PGM1: variants seen among roughly 807,000 people sequenced by gnomAD.
PGM1 encodes the protein phosphoglucomutase 1.
PGM1 carries 52 observed loss-of-function variants against 55.6 expected under a neutral mutation model. The observed-to-expected ratio is 0.94, with a 90% CI of 0.75 to 1.18. The LOEUF is 1.18. PGM1 is among the 50% of genes most tolerant of loss of function. The probability of loss-of-function intolerance (pLI) is 0.00; values close to 1 mark genes in which losing one functional copy is unlikely to be tolerated. For missense variants in PGM1, 724 were observed against 729.3 expected, an observed-to-expected ratio of 0.99 and a Z score of 0.08; for synonymous variants, 287 against 271.7, an observed-to-expected ratio of 1.06 and a Z score of -0.55.
At position 63,633,866 on chromosome 1, in the gene PGM1, CTGTGTGTGTGTGTGTGTGTGTG is replaced by C. The variant is rs58094821; in HGVS notation, c.683-931_683-910del. Reference sequence around the variant, plus strand: ...TGTATGCATGTGTGTGTCTGTGTCTCTGTGTGTGTGTGTGTGTGTGTGTGTGTGTGTGTGTGTGTGTGTGTGT... The same window carrying C: ...TGTATGCATGTGTGTGTCTGTGTCTCTGTGTGTGTGTGTGTGTGTGTGTGT... On this transcript the variant is annotated intron_variant, in intron 4 of 10. Transcript: ENST00000371084. 3.0e-4 allele frequency among the ~76,000 whole-genome samples: 22 copies of C among 73,406 alleles called. 1 individual carries two copies. Among genetic ancestry groups the C allele is most frequent in the East Asian group, 1.4e-3 (3 of 2,078 alleles). 48.2% of individuals were successfully genotyped at this position (73,406 alleles called of 152,430 possible). A position where few individuals can be genotyped will look rare whatever the true frequency, so the allele number is the denominator to read the frequency against.
At chr1:63,636,533 G>A (rs1468017622) in intron 6 of PGM1, 145 bp downstream of exon 6, 4 of 933,798 alleles carry the variant, frequency 4.3e-6, no homozygotes, top group Non-Finnish European at 6.9e-6. Flanking sequence ...TGTGTGAGGG[G>A]ATGGTTGGCT....
Position 63,635,080 on chromosome 1 carries a change from GA to G in PGM1, c.873+67del, listed in dbSNP as rs1445221848. On this transcript the variant is annotated intron_variant, in intron 5 of 10. Coordinates refer to ENST00000371084, the MANE Select transcript of PGM1 (RefSeq NM_002633.3). Reference sequence around the variant, plus strand: ...GGCCAGGCCTGATCCTGCAGATGGGGAAAAAAGTGGGCTGCTTCTGCCAGAC... The same window carrying G: ...GGCCAGGCCTGATCCTGCAGATGGGGAAAAAGTGGGCTGCTTCTGCCAGAC... 75 of 1,433,926 alleles carry G rather than the reference GA, an allele frequency of 5.2e-5. No homozygotes were observed. The South Asian group carries it at 5.6e-4, about 11-fold the overall frequency. The allele number at this position is 1,433,926 out of a possible 1,614,324, so 88.8% of individuals were successfully genotyped here. A position where few individuals can be genotyped will look rare whatever the true frequency, so the allele number is the denominator to read the frequency against.
intron 1 of PGM1, among the ~76,000 whole-genome samples, chr1:63,610,439 T>C (rs955337720): frequency 1.3e-5 from 2 of 152,244 alleles, no homozygotes; most frequent in African/African-American, 2.4e-5. Flanking sequence ...AAATTACATC[T>C]TTTATGTTAA....
chr1:63,604,231 G>T (rs1431296086), intron 1 of PGM1, among the ~76,000 whole-genome samples: 1 of 152,194 alleles, frequency 6.6e-6, no homozygotes, highest in Non-Finnish European at 1.5e-5. Context: ...GGTTCAATCA[G>T]CTGTTGTAAC....
intron 1 of PGM1, among the ~76,000 whole-genome samples, chr1:63,594,972 A>AAAAG (rs1212631758): frequency 5.5e-5 from 6 of 109,222 alleles, no homozygotes; most frequent in Non-Finnish European, 1.2e-4. Context: ...AAAAAAAAAA[A>AAAAG]AAAGAAAAAA....
At chr1:63,637,730 G>A (rs1467785297) in intron 6 of PGM1, among the ~76,000 whole-genome samples, 9 of 152,268 alleles carry the variant, frequency 5.9e-5, no homozygotes, top group African/African-American at 2.2e-4. Context: ...TCAGGTCCTG[G>A]AATACCTTCT....
At position 63,638,698 on chromosome 1, in the gene PGM1, A is replaced by G. The variant is rs1649427299; in HGVS notation, c.1042A>G (p.Thr348Ala). The G allele has an allele frequency of 1.2e-6, 2 of 1,613,170 alleles. No individual in the cohort carries two copies. Among genetic ancestry groups the G allele is most frequent in the South Asian group, 1.1e-5 (1 of 91,068 alleles). The change falls in exon 7 of 11, where the codon ACA becomes GCA. Residue 348 changes from threonine to alanine, a missense_variant. Around this residue, in one of 3 missense-constraint regions of PGM1, gnomAD observed 316 missense variants for 313.1 expected, o/e 1.01. Coordinates refer to ENST00000371084, the MANE Select transcript of PGM1 (RefSeq NM_002633.3). ...ATGCCTTTGAAGGGTGGCTAGTGCT[A>G]CAAAGATTGCTTTGTATGAGACCCC... ...SGALDRVASA[T>A]KIALYETPTG...
At position 63,629,535 on chromosome 1, in the gene PGM1, C is replaced by T. The variant is rs576427611; in HGVS notation, c.357C>T (p.Asn119=). ...GGATCATTCTGACAGCCAGTCACAA[C>T]CCAGGGGGCCCCAATGGAGATTTTG... The part of the protein sequence containing the change: ...IGGIILTASH[N]PGGPNGDFGI... Residue 119 remains asparagine (N), a synonymous_variant, in exon 2 of 11, where the codon AAC becomes AAT. Coordinates refer to ENST00000371084, the MANE Select transcript of PGM1 (RefSeq NM_002633.3). 1.2e-6 allele frequency: 2 copies of T among 1,613,794 alleles called. No homozygotes were observed. The highest frequency in any genetic ancestry group is 2.2e-5 in the East Asian group (1 of 44,872).
At chr1:63,623,538 T>C (rs1648940926) in intron 1 of PGM1, 3 of 1,612,704 alleles carry the variant, frequency 1.9e-6, no homozygotes, top group Non-Finnish European at 2.5e-6. Context: ...TGACTTTTGC[T>C]ACAGCTCCCT....
At position 63,648,532 on chromosome 1, in the gene PGM1, G is replaced by T. The variant is rs548040301; in HGVS notation, c.1160G>T (p.Arg387Leu). The change falls in exon 8 of 11, where the codon CGT becomes CTT. Residue 387 changes from arginine (R) to leucine (L), a missense_variant. Transcript: ENST00000371084. The stretch of plus-strand genomic sequence containing the variant: ...CCCCCTCCAGGTTCTGACCACATCC[G>T]TGAGAAAGATGGACTGTGGGCTGTC... Reference protein sequence around the residue: ...ESFGTGSDHIREKDGLWAVLA... With the variant: ...ESFGTGSDHILEKDGLWAVLA... The T allele has an allele frequency of 6.2e-7, 1 of 1,613,956 alleles. No homozygotes were observed. The highest frequency in any genetic ancestry group is 8.5e-7 in the Non-Finnish European group (1 of 1,179,984).
intron 1 of PGM1, among the ~76,000 whole-genome samples, chr1:63,615,536 C>T (rs1468033275): frequency 1.4e-5 from 2 of 140,314 alleles, no homozygotes; most frequent in Non-Finnish European, 3.0e-5. Context: ...CATTTCTCTC[C>T]TCTTCTTCTT....
At chr1:63,658,707 G>T (rs1418944000) in intron 10 of PGM1, among the ~76,000 whole-genome samples, 1 of 149,870 alleles carries the variant, frequency 6.7e-6, no homozygotes, top group African/African-American at 2.5e-5. Flanking sequence ...AGCCAAGATC[G>T]CAGCATTGCA....
Position 63,634,820 on chromosome 1 carries a change from T to C in PGM1, c.683-9T>C. 6.2e-7 allele frequency: 1 copy of C among 1,609,070 alleles called. No homozygotes were observed. Among genetic ancestry groups the C allele is most frequent in the Non-Finnish European group, 8.5e-7 (1 of 1,176,338 alleles). On this transcript the variant is annotated splice_polypyrimidine_tract_variant and intron_variant, in intron 4 of 10. Transcript: ENST00000371084. ...GATTCTGCATACATTTATTCCATGC[T>C]GTATATAGTTGTGGGACCGTATGTA...
intron 1 of PGM1, among the ~76,000 whole-genome samples, chr1:63,602,875 A>G (rs1648284575): frequency 6.6e-6 from 1 of 152,170 alleles, no homozygotes; most frequent in Non-Finnish European, 1.5e-5. Flanking sequence ...GTTACGGACA[A>G]GCAGAGAACT....
intron 1 of PGM1, among the ~76,000 whole-genome samples, chr1:63,611,463 G>T (rs1343783324): frequency 6.6e-6 from 1 of 152,106 alleles, no homozygotes; most frequent in Non-Finnish European, 1.5e-5. Flanking sequence ...AACCCCTGAG[G>T]TCACACAGGT....
intron 1 of PGM1, among the ~76,000 whole-genome samples, chr1:63,609,889 T>C (rs2100965228): frequency 6.6e-6 from 1 of 152,314 alleles, no homozygotes; most frequent in South Asian, 2.1e-4. Flanking sequence ...TGATGTTTGG[T>C]AGGTTAGGTG....
At chr1:63,605,093 C>A (rs555231280) in intron 1 of PGM1, among the ~76,000 whole-genome samples, 1 of 152,196 alleles carries the variant, frequency 6.6e-6, no homozygotes, top group East Asian at 1.9e-4. Flanking sequence ...CACAGGGAAC[C>A]CTGGTTCCAC....
At chr1:63,622,588 G>A (rs1570487326) in intron 1 of PGM1, among the ~76,000 whole-genome samples, 1 of 152,096 alleles carries the variant, frequency 6.6e-6, no homozygotes, top group African/African-American at 2.4e-5. Flanking sequence ...AAAAACATAT[G>A]TATATTTTTT....
At chr1:63,618,341 A>G (rs1053792400) in intron 1 of PGM1, among the ~76,000 whole-genome samples, 6 of 152,198 alleles carry the variant, frequency 3.9e-5, no homozygotes, top group Non-Finnish European at 8.8e-5. Flanking sequence ...ATGTTCCACT[A>G]ATGTTTATAA....
Sources: allele counts gnomAD v4.1 joint callset (sites outside exome capture counted in the v4.1 genomes callset), GRCh38; gene constraint gnomAD v4.1.1; regional missense constraint gnomAD v4.1.1; transcripts MANE v1.5; gene names NCBI Gene and HGNC (gene_info 2026-07-23, HGNC 2026-07-21).